Variants in FAM135B observed in about 807,000 individuals in gnomAD.
FAM135B encodes the protein protein FAM135B.
In FAM135B, 43 loss-of-function variants were observed where a neutral mutation model predicts 127.7. The ratio of observed to expected loss-of-function variants is 0.34; its 90% CI spans 0.26 to 0.43. FAM135B has a LOEUF of 0.43. Among genes scored for constraint, FAM135B ranks in the 20% least tolerant of loss-of-function variants. The pLI, the probability that FAM135B is intolerant of heterozygous loss-of-function variation, is 1.00. For missense variants in FAM135B, 1,558 were observed against 1,725.6 expected, an observed-to-expected ratio of 0.90 and a Z score of 1.72; for synonymous variants, 670 against 665.1, an observed-to-expected ratio of 1.01 and a Z score of -0.11.
intron 1 of FAM135B, among the ~76,000 whole-genome samples, chr8:138,386,157 A>C (rs1346169605): frequency 6.6e-6 from 1 of 152,104 alleles, no homozygotes; most frequent in Non-Finnish European, 1.5e-5. Context: ...TAGAGGTTGC[A>C]ATTAGCTGAG....
rs1563975117 is a variant in FAM135B at position 138,406,179 on chromosome 8, G to A, written c.-19-38177C>T. On this transcript the variant is annotated intron_variant, in intron 1 of 19. Transcript: ENST00000395297. ...ATTTTGTAGGTTGCCTGTTCACTCCGATGGTAGTTTCTTTTGCTGTGCAGA... is the reference window on the plus strand; with the variant it reads ...ATTTTGTAGGTTGCCTGTTCACTCCAATGGTAGTTTCTTTTGCTGTGCAGA... Among the ~76,000 whole-genome samples the A allele has an allele frequency of 9.2e-5, 14 of 151,852 alleles. No individual in the cohort carries two copies. The South Asian group carries it at 2.7e-3, about 29-fold the overall frequency.
At chr8:138,384,135 G>A (rs1340341905) in intron 1 of FAM135B, among the ~76,000 whole-genome samples, 1 of 152,166 alleles carries the variant, frequency 6.6e-6, no homozygotes, top group East Asian at 1.9e-4. Context: ...CTCCCACACA[G>A]CTGGATGTCC....
intron 3 of FAM135B, among the ~76,000 whole-genome samples, chr8:138,303,019 C>G (rs1397431267): frequency 1.3e-5 from 2 of 152,202 alleles, no homozygotes; most frequent in African/African-American, 4.8e-5. Flanking sequence ...TTGTGGAAGA[C>G]AGTGTGGCAA....
intron 1 of FAM135B, among the ~76,000 whole-genome samples, chr8:138,464,796 G>A (rs1005197014): frequency 1.3e-5 from 2 of 152,146 alleles, no homozygotes; most frequent in South Asian, 2.1e-4. Context: ...CTGTACTGCC[G>A]CAGTAACTGC....
intron 1 of FAM135B, among the ~76,000 whole-genome samples, chr8:138,466,315 A>C (rs1374855846): frequency 1.3e-5 from 2 of 152,296 alleles, no homozygotes; most frequent in African/African-American, 4.8e-5. Flanking sequence ...CCAGTTAAAG[A>C]GAGTGGGTCA....
intron 2 of FAM135B, among the ~76,000 whole-genome samples, chr8:138,346,716 C>A (rs1030927668): frequency 6.6e-6 from 1 of 152,128 alleles, no homozygotes; most frequent in Non-Finnish European, 1.5e-5. Flanking sequence ...CCAATGAACA[C>A]TGGGCTTAAT....
intron 9 of FAM135B, among the ~76,000 whole-genome samples, chr8:138,194,513 A>C (rs1360045087): frequency 6.6e-6 from 1 of 152,214 alleles, no homozygotes; most frequent in Non-Finnish European, 1.5e-5. Flanking sequence ...AGGCTCAGGC[A>C]AAGATGCATC....
At chr8:138,251,848 G>A (rs1176629714) in intron 5 of FAM135B, among the ~76,000 whole-genome samples, 2 of 152,172 alleles carry the variant, frequency 1.3e-5, no homozygotes, top group Non-Finnish European at 2.9e-5. Context: ...CAGACCACAA[G>A]GGAAACCTGG....
At chr8:138,219,017 G>A (rs1818811738) in intron 7 of FAM135B, among the ~76,000 whole-genome samples, 1 of 152,162 alleles carries the variant, frequency 6.6e-6, no homozygotes, top group Admixed American at 6.5e-5. Context: ...TAAATATCAT[G>A]TGCCTACTTA....
chr8:138,485,551 A>C (rs1386211417), intron 1 of FAM135B, among the ~76,000 whole-genome samples: 1 of 152,234 alleles, frequency 6.6e-6, no homozygotes, highest in African/African-American at 2.4e-5. Context: ...AATTTTATTA[A>C]AAATTCCTCA....
At chr8:138,403,269 C>T (rs1833253389) in intron 1 of FAM135B, among the ~76,000 whole-genome samples, 2 of 152,148 alleles carry the variant, frequency 1.3e-5, no homozygotes, top group Admixed American at 6.5e-5. Context: ...TTCAACCCTT[C>T]AAATGTCCAG....
At position 138,266,721 on chromosome 8, in the gene FAM135B, C is replaced by T. The variant is rs1450118512; in HGVS notation, c.158-879G>A. Among the ~76,000 whole-genome samples, 9 of 146,710 alleles carry T rather than the reference C, an allele frequency of 6.1e-5. No homozygotes were observed. In the East Asian group the frequency reaches 1.6e-3, roughly 26 times the overall value. On this transcript the variant is annotated intron_variant, in intron 3 of 19. Transcript: ENST00000395297. The stretch of plus-strand genomic sequence containing the variant: ...TGGGGGAACAAATGGACGAACTCCT[C>T]CAAATTACTTCACACATGAACTATA...
chr8:138,422,940 G>C (rs1834603337), intron 1 of FAM135B, among the ~76,000 whole-genome samples: 1 of 152,130 alleles, frequency 6.6e-6, no homozygotes, highest in African/African-American at 2.4e-5. Flanking sequence ...AATCATAAAA[G>C]AGAATGAAAT....
In FAM135B at chr8:138,241,899, T is replaced by C. The variant is rs966657194; in HGVS notation, c.669+1043A>G. On this transcript the variant is annotated intron_variant, in intron 7 of 19. Coordinates refer to ENST00000395297, the MANE Select transcript of FAM135B (RefSeq NM_015912.4). The surrounding 1 kb of genome is among the most constrained non-coding windows in gnomAD (Gnocchi z 4.8). The stretch of plus-strand genomic sequence containing the variant: ...CATGAATAGGCCTTATCCAATCCAT[T>C]GAGGGCCTGAATAGGACAAAAAGAC... Among the ~76,000 whole-genome samples, 2 of 152,084 alleles carry C rather than the reference T, an allele frequency of 1.3e-5. No individual in the cohort carries two copies. The highest frequency in any genetic ancestry group is 2.4e-5 in the African/African-American group (1 of 41,412).
Position 138,464,795 on chromosome 8 carries a change from C to T in FAM135B, c.-20+31876G>A, listed in dbSNP as rs146469038. 2.2e-4 allele frequency among the ~76,000 whole-genome samples: 34 copies of T among 152,266 alleles called. No homozygotes were observed. The East Asian group carries it at 6.2e-3, about 28-fold the overall frequency. On this transcript the variant is annotated intron_variant, in intron 1 of 19. Coordinates refer to ENST00000395297, the MANE Select transcript of FAM135B (RefSeq NM_015912.4). ...AAGGCATCCAATCATTCTGTACTGC[C>T]GCAGTAACTGCCCCAGCTGCACTGC... is the stretch of plus-strand genomic sequence containing the variant.
At chr8:138,406,864 C>T (rs7826282) in intron 1 of FAM135B, among the ~76,000 whole-genome samples, 2,822 of 151,370 alleles carry the variant, frequency 0.019, 81 homozygotes, top group East Asian at 0.08. Context: ...CAGGGATGCC[C>T]TCTCTCACCA....
Position 138,243,533 on chromosome 8 carries a change from G to C in FAM135B, c.543-465C>G, listed in dbSNP as rs1821029312. Among the ~76,000 whole-genome samples the C allele has an allele frequency of 1.3e-5, 2 of 152,192 alleles. No homozygotes were observed. Among genetic ancestry groups the C allele is most frequent in the African/African-American group, 2.4e-5 (1 of 41,440 alleles). On this transcript the variant is annotated intron_variant, in intron 6 of 19. Coordinates refer to ENST00000395297, the MANE Select transcript of FAM135B (RefSeq NM_015912.4). The surrounding 1 kb of genome is among the most constrained non-coding windows in gnomAD (Gnocchi z 7.5). ...ACATCTTCCTCCATGATCCGCATGAGAGTCTAATACGATGTCAAAGACTGT... is the reference window on the plus strand; with the variant it reads ...ACATCTTCCTCCATGATCCGCATGACAGTCTAATACGATGTCAAAGACTGT...
chr8:138,176,359 T>C (rs140038784), intron 11 of FAM135B, among the ~76,000 whole-genome samples: 2 of 152,238 alleles, frequency 1.3e-5, no homozygotes, highest in Non-Finnish European at 2.9e-5. Flanking sequence ...CTCACGGTTA[T>C]GTTTGTATTT....
At chr8:138,302,145 T>C (rs897453783) in intron 3 of FAM135B, among the ~76,000 whole-genome samples, 1 of 152,070 alleles carries the variant, frequency 6.6e-6, no homozygotes. Context: ...TTATTATTAT[T>C]ATTATTATTA....
Sources: allele counts gnomAD v4.1 joint callset (sites outside exome capture counted in the v4.1 genomes callset), GRCh38; gene constraint gnomAD v4.1.1; non-coding constraint Gnocchi (gnomAD v3.1); transcripts MANE v1.5; gene names NCBI Gene and HGNC (gene_info 2026-07-23, HGNC 2026-07-21).